The following ZNF804A variants were observed in gnomAD, a reference collection of about 807,000 sequenced individuals.
ZNF804A encodes zinc finger protein 804A.
ZNF804A carries 2 observed loss-of-function variants against 16.5 expected under a neutral mutation model. That is an observed-to-expected ratio of 0.12 (90% CI 0.05 to 0.38). The LOEUF (loss-of-function observed/expected upper bound fraction) is 0.38, where lower values mean the gene tolerates loss of function less well. ZNF804A is among the 10% of genes least tolerant of loss of function. The pLI is 0.99. For missense variants in ZNF804A, 1,473 were observed against 1,390.7 expected, an observed-to-expected ratio of 1.06 and a Z score of -0.94; for synonymous variants, 534 against 489.6, an observed-to-expected ratio of 1.09 and a Z score of -1.20.
intron 1 of ZNF804A, among the ~76,000 whole-genome samples, chr2:184,680,362 G>C (rs1322040970): frequency 6.6e-6 from 1 of 152,062 alleles, no homozygotes. Context: ...ATGTCGGGAG[G>C]TCTTGCCTGT....
chr2:184,601,122 G>GA (rs1691037399), intron 1 of ZNF804A, among the ~76,000 whole-genome samples: 1 of 152,038 alleles, frequency 6.6e-6, no homozygotes, highest in African/African-American at 2.4e-5. Flanking sequence ...TGACTGAAAA[G>GA]AAGTAAATTT....
At chr2:184,721,682 C>T (rs561199691) in intron 1 of ZNF804A, among the ~76,000 whole-genome samples, 3 of 152,140 alleles carry the variant, frequency 2.0e-5, no homozygotes, top group East Asian at 1.9e-4. Flanking sequence ...ATGTAGTTTT[C>T]TCAAAAAGCT....
intron 1 of ZNF804A, among the ~76,000 whole-genome samples, 186 bp downstream of exon 1, chr2:184,599,256 T>C (rs1031412540): frequency 6.6e-6 from 1 of 152,180 alleles, no homozygotes; most frequent in South Asian, 2.1e-4. Flanking sequence ...TCCATGGCTT[T>C]GGTTGACACT....
At chr2:184,724,714 C>T (rs934770070) in intron 1 of ZNF804A, among the ~76,000 whole-genome samples, 1 of 151,556 alleles carries the variant, frequency 6.6e-6, no homozygotes, top group African/African-American at 2.4e-5. Flanking sequence ...CATCTAACTA[C>T]AAAGAAGGGC....
rs562101557 is a variant in ZNF804A at position 184,933,220 on chromosome 2, CAT to C, written c.256-380_256-379del. Among the ~76,000 whole-genome samples, 522 of 151,838 alleles carry C rather than the reference CAT, an allele frequency of 3.4e-3. 4 individuals are homozygous for C. The highest frequency in any genetic ancestry group is 0.012 in the African/African-American group (490 of 41,412). On this transcript the variant is annotated intron_variant, in intron 2 of 3. Coordinates refer to ENST00000302277, the MANE Select transcript of ZNF804A (RefSeq NM_194250.2). Reference sequence around the variant, plus strand: ...TACTGTACATCAAAATATAAGAAAACATATTATATATAACAGAAATACATAAG... The same window carrying C: ...TACTGTACATCAAAATATAAGAAAACATTATATATAACAGAAATACATAAG...
At position 184,937,181 on chromosome 2, in the gene ZNF804A, A is replaced by G. The variant is rs768617374; in HGVS notation, c.1785A>G (p.Arg595=). The G allele has an allele frequency of 6.3e-7, 1 of 1,597,030 alleles. No homozygotes were observed. Among genetic ancestry groups the G allele is most frequent in the East Asian group, 2.2e-5 (1 of 44,758 alleles). ...AATACTGGTTCCATAAAAGTAGAAG[A>G]AAGAAAAAAAGAAAAAAGTTATGTC... ...THEYWFHKSR[R]KKKRKKLCQH... Residue 595 remains arginine (R), a synonymous_variant, in exon 4 of 4, where the codon AGA becomes AGG. Transcript: ENST00000302277.
intron 2 of ZNF804A, among the ~76,000 whole-genome samples, chr2:184,878,477 C>T (rs994747657): frequency 4.6e-5 from 7 of 151,980 alleles, no homozygotes; most frequent in Non-Finnish European, 5.9e-5. Flanking sequence ...ATATAGAAAG[C>T]GTAAGGATTT....
At chr2:184,668,851 G>A (rs569351712) in intron 1 of ZNF804A, among the ~76,000 whole-genome samples, 2 of 152,050 alleles carry the variant, frequency 1.3e-5, no homozygotes, top group Admixed American at 6.6e-5. Context: ...ATTCATTAAT[G>A]TTGTAAATAG....
At chr2:184,673,777 C>A (rs1692377215) in intron 1 of ZNF804A, among the ~76,000 whole-genome samples, 2 of 152,068 alleles carry the variant, frequency 1.3e-5, no homozygotes, top group African/African-American at 4.8e-5. Flanking sequence ...GGTAGCACCA[C>A]AATTTGTAGG....
intron 1 of ZNF804A, among the ~76,000 whole-genome samples, chr2:184,822,513 AT>A (rs1293671766): frequency 6.6e-6 from 1 of 152,110 alleles, no homozygotes; most frequent in Non-Finnish European, 1.5e-5. Context: ...GTACCCTGGA[AT>A]TTAAAATAAA....
At position 184,831,625 on chromosome 2, in the gene ZNF804A, A is replaced by G. The variant is rs531421348; in HGVS notation, c.112-34744A>G. 2.0e-5 allele frequency among the ~76,000 whole-genome samples: 3 copies of G among 150,804 alleles called. No homozygotes were observed. The South Asian group carries it at 6.2e-4, about 31-fold the overall frequency. The stretch of plus-strand genomic sequence containing the variant: ...AACTGCCTGTTGACAGGTGATTGCT[A>G]TGTATATTTAGATTTAGATTTGAAA... On this transcript the variant is annotated intron_variant, in intron 1 of 3. Coordinates refer to ENST00000302277, the MANE Select transcript of ZNF804A (RefSeq NM_194250.2).
At chr2:184,686,527 G>A (rs1025518131) in intron 1 of ZNF804A, among the ~76,000 whole-genome samples, 1 of 152,160 alleles carries the variant, frequency 6.6e-6, no homozygotes, top group Non-Finnish European at 1.5e-5. Context: ...TGTCTTTTTG[G>A]TAGATGATTT....
chr2:184,695,858 A>G (rs1313597393), intron 1 of ZNF804A, among the ~76,000 whole-genome samples: 1 of 152,178 alleles, frequency 6.6e-6, no homozygotes, highest in African/African-American at 2.4e-5. Context: ...CATTGAGACT[A>G]TTGTATCCTC....
intron 1 of ZNF804A, among the ~76,000 whole-genome samples, chr2:184,862,346 A>G (rs1695813923): frequency 6.6e-6 from 1 of 152,222 alleles, no homozygotes; most frequent in Non-Finnish European, 1.5e-5. Flanking sequence ...GTAACAATAC[A>G]TATGACTCCT....
intron 1 of ZNF804A, among the ~76,000 whole-genome samples, chr2:184,689,860 A>G (rs1025676189): frequency 6.6e-6 from 1 of 152,038 alleles, no homozygotes; most frequent in Non-Finnish European, 1.5e-5. Flanking sequence ...TGCAAACTCC[A>G]TAGCTGAAAG....
At chr2:184,910,744 C>T (rs1685343193) in intron 2 of ZNF804A, among the ~76,000 whole-genome samples, 1 of 151,828 alleles carries the variant, frequency 6.6e-6, no homozygotes, top group Non-Finnish European at 1.5e-5. Flanking sequence ...GGGCATTTTT[C>T]ATGTGTTTGT....
At chr2:184,685,493 C>T (rs1014569910) in intron 1 of ZNF804A, among the ~76,000 whole-genome samples, 2 of 151,982 alleles carry the variant, frequency 1.3e-5, no homozygotes, top group Non-Finnish European at 2.9e-5. Flanking sequence ...TCTTGGCCCA[C>T]GTCTAGGAAA....
At chr2:184,867,185 TTAA>T (rs1257645281) in intron 2 of ZNF804A, among the ~76,000 whole-genome samples, 7 of 152,086 alleles carry the variant, frequency 4.6e-5, no homozygotes, top group Non-Finnish European at 1.0e-4. Context: ...ATAAATGTAA[TTAA>T]TACAAATTCC....
intron 2 of ZNF804A, among the ~76,000 whole-genome samples, chr2:184,890,260 C>G (rs1684959880): frequency 6.6e-6 from 1 of 152,140 alleles, no homozygotes; most frequent in Non-Finnish European, 1.5e-5. Flanking sequence ...TTGCTAAAAG[C>G]TTATATGACT....
Sources: gnomAD v4.1 joint callset for allele counts (sites outside exome capture counted in the v4.1 genomes callset) on GRCh38, gnomAD v4.1.1 for gene constraint, MANE v1.5 for transcripts, NCBI Gene and HGNC (gene_info 2026-07-23, HGNC 2026-07-21) for gene names.